FAM20C: variants seen among roughly 807,000 people sequenced by gnomAD.
FAM20C encodes extracellular serine/threonine protein kinase FAM20C.
Under a neutral mutation model 51.5 loss-of-function variants are expected in FAM20C, and 40 were observed. The ratio of observed to expected loss-of-function variants is 0.78; its 90% CI spans 0.60 to 1.01. The LOEUF is 1.01. FAM20C is among the 50% of genes least tolerant of loss of function. FAM20C has a pLI of 0.00. For synonymous variants in FAM20C, 406 were observed against 380.6 expected, an observed-to-expected ratio of 1.07 and a Z score of -0.78; for missense variants, 861 against 844.7, an observed-to-expected ratio of 1.02 and a Z score of -0.24.
At chr7:199,022 A>G (rs939499823) in intron 2 of FAM20C, among the ~76,000 whole-genome samples, 1 of 152,360 alleles carries the variant, frequency 6.6e-6, no homozygotes, top group East Asian at 1.9e-4. Context: ...CAAGTGTGCC[A>G]TGGGAGCTGC....
chr7:255,058 G>A (rs779789234), intron 5 of FAM20C, among the ~76,000 whole-genome samples: 7 of 152,194 alleles, frequency 4.6e-5, no homozygotes, highest in Non-Finnish European at 8.8e-5. Flanking sequence ...GTGAGCATTC[G>A]TGTCTGAGTT....
intron 2 of FAM20C, among the ~76,000 whole-genome samples, chr7:201,505 C>A (rs919411137): frequency 6.6e-6 from 1 of 152,190 alleles, no homozygotes; most frequent in Non-Finnish European, 1.5e-5. Context: ...ACCCCCAGGC[C>A]CGGGCCACAC....
intron 5 of FAM20C, among the ~76,000 whole-genome samples, chr7:250,023 C>T (rs913799195): frequency 6.6e-6 from 1 of 152,198 alleles, no homozygotes; most frequent in African/African-American, 2.4e-5. Context: ...TGGGGAGGGG[C>T]CCTCCGGATC....
intron 3 of FAM20C, chr7:228,464 G>T: frequency 2.2e-6 from 1 of 456,180 alleles, no homozygotes; most frequent in South Asian, 1.5e-5. Context: ...TCACGGCTCA[G>T]TGTGGGGTCA....
intron 2 of FAM20C, among the ~76,000 whole-genome samples, chr7:205,924 C>A (rs570523006): frequency 1.3e-5 from 2 of 152,096 alleles, no homozygotes; most frequent in Non-Finnish European, 2.9e-5. Flanking sequence ...CAGTTCTTCC[C>A]GTCTGAAGGG....
intron 3 of FAM20C, among the ~76,000 whole-genome samples, chr7:241,237 C>T (rs1490015560): frequency 3.3e-5 from 5 of 152,214 alleles, no homozygotes; most frequent in Admixed American, 6.5e-5. Context: ...CCGAGGGCCT[C>T]GGGAGCGGAG....
chr7:218,511 G>A (rs1271414847), intron 3 of FAM20C, among the ~76,000 whole-genome samples: 3 of 152,118 alleles, frequency 2.0e-5, no homozygotes, highest in African/African-American at 4.8e-5. Context: ...AGGCCGGGAC[G>A]CCAAGCTCCA....
chr7:222,705 G>T (rs1221128012), intron 3 of FAM20C, among the ~76,000 whole-genome samples: 1 of 152,222 alleles, frequency 6.6e-6, no homozygotes, highest in Non-Finnish European at 1.5e-5. Context: ...CAGCACCGTG[G>T]CAGGCAGAGT....
chr7:195,432 C>T (rs1301248226), intron 1 of FAM20C, 122 bp from the exon 2 acceptor site: 4 of 973,380 alleles, frequency 4.1e-6, no homozygotes, highest in Non-Finnish European at 5.5e-6. Flanking sequence ...GAGGCGCCTT[C>T]AACACATCTG....
At chr7:245,494 T>G (rs1476907369) in intron 3 of FAM20C, among the ~76,000 whole-genome samples, 1 of 152,086 alleles carries the variant, frequency 6.6e-6, no homozygotes, top group African/African-American at 2.4e-5. Flanking sequence ...GGGCCTGGCC[T>G]GGGTGGACGC....
At chr7:242,324 C>T (rs1253494288) in intron 3 of FAM20C, among the ~76,000 whole-genome samples, 7 of 152,278 alleles carry the variant, frequency 4.6e-5, no homozygotes, top group South Asian at 2.1e-4. Flanking sequence ...GGTCCGGGGA[C>T]GCGGATCTGA....
At chr7:195,436 A>T (rs1288991710) in intron 1 of FAM20C, 118 bp from the exon 2 acceptor site, 1 of 999,400 alleles carries the variant, frequency 1.0e-6, no homozygotes, top group African/African-American at 1.7e-5. Flanking sequence ...CGCCTTCAAC[A>T]CATCTGCACT....
At chr7:227,569 C>CT (rs35116617) in intron 3 of FAM20C, 129,226 of 152,078 alleles carry the variant, frequency 0.85, 55,216 homozygotes, top group African/African-American at 0.87. Flanking sequence ...TTAGTAGCAG[C>CT]TTACCCTTTT....
rs980105166 is a variant in FAM20C, at chr7:233,822, G to A, written c.864-12593G>A. ...ATTCTGCCAGCCACGAAAGGCCTGGGAGAGGTCAGCTCAGTCGTCATTCCT... is the reference window on the plus strand; with the variant it reads ...ATTCTGCCAGCCACGAAAGGCCTGGAAGAGGTCAGCTCAGTCGTCATTCCT... On this transcript the variant is annotated intron_variant, in intron 3 of 9. Coordinates refer to ENST00000313766, the MANE Select transcript of FAM20C (RefSeq NM_020223.4). Among the ~76,000 whole-genome samples the A allele has an allele frequency of 4.2e-3, 642 of 152,356 alleles. 4 individuals are homozygous for A. The highest frequency in any genetic ancestry group is 0.015 in the African/African-American group (611 of 41,572).
At chr7:212,925 C>A (rs1304722386) in intron 3 of FAM20C, among the ~76,000 whole-genome samples, 2 of 152,218 alleles carry the variant, frequency 1.3e-5, no homozygotes, top group African/African-American at 4.8e-5. Flanking sequence ...CGTGACTCCA[C>A]AGAGAAATCC....
Position 256,675 on chromosome 7 carries a change from C to T in FAM20C, c.1275C>T (p.Tyr425=), listed in dbSNP as rs1788603168. ...GCAGGTGGGAGGTGGACCCTGACTA[C>T]TGCGAGGAGGTGAAGCAGACACCGC... The part of the protein sequence containing the change: ...KKAEWEVDPD[Y]CEEVKQTPPY... Residue 425 remains tyrosine (Y), a synonymous_variant, in exon 7 of 10, where the codon TAC becomes TAT. Coordinates refer to ENST00000313766, the MANE Select transcript of FAM20C (RefSeq NM_020223.4). The T allele has an allele frequency of 6.5e-7, 1 of 1,536,088 alleles. No homozygotes were observed. Among genetic ancestry groups the T allele is most frequent in the Admixed American group, 2.0e-5 (1 of 51,006 alleles).
chr7:220,572 C>G (rs1787216360), intron 3 of FAM20C, among the ~76,000 whole-genome samples: 2 of 152,326 alleles, frequency 1.3e-5, no homozygotes, highest in Admixed American at 6.5e-5. Context: ...TTAAGCATGA[C>G]CTCTGTGTAG....
chr7:241,388 A>C (rs2115133842), intron 3 of FAM20C, among the ~76,000 whole-genome samples: 1 of 152,002 alleles, frequency 6.6e-6, no homozygotes, highest in South Asian at 2.1e-4. Flanking sequence ...CTTCTGCGTG[A>C]GCTTTGAGTC....
chr7:201,316 G>A (rs1422017613), intron 2 of FAM20C, among the ~76,000 whole-genome samples: 2 of 152,246 alleles, frequency 1.3e-5, no homozygotes, highest in Non-Finnish European at 2.9e-5. Context: ...CACGCTGACG[G>A]CAGCATCTCA....
Sources: gnomAD v4.1 joint callset for allele counts (sites outside exome capture counted in the v4.1 genomes callset) on GRCh38, gnomAD v4.1.1 for gene constraint, MANE v1.5 for transcripts, NCBI Gene and HGNC (gene_info 2026-07-23, HGNC 2026-07-21) for gene names.